The following CFAP20DC variants were observed in gnomAD, a reference collection of about 807,000 sequenced individuals.
The protein encoded by CFAP20DC is protein CFAP20DC.
Under a neutral mutation model 101.7 loss-of-function variants are expected in CFAP20DC, and 84 were observed. That is an observed-to-expected ratio of 0.83 (90% CI 0.69 to 0.99). CFAP20DC has a LOEUF of 0.99. Ranked by LOEUF, CFAP20DC falls within the 50% of genes least tolerant of loss-of-function variation. CFAP20DC has a pLI of 0.00. For missense variants in CFAP20DC, 1,007 were observed against 970.3 expected (o/e 1.04, Z -0.50); for synonymous variants, 359 against 351.2 (o/e 1.02, Z -0.25).
intron 6 of CFAP20DC, among the ~76,000 whole-genome samples, chr3:58,886,641 G>A (rs1314491016): frequency 4.6e-5 from 7 of 152,166 alleles, no homozygotes; most frequent in South Asian, 2.1e-4. Context: ...GAGCCTGGGC[G>A]GTGGAGGCTG....
rs780947094 is a variant in CFAP20DC at position 58,871,957 on chromosome 3, A to C, written c.716-1648T>G. Among the ~76,000 whole-genome samples the C allele has an allele frequency of 1.2e-4, 19 of 152,196 alleles. No individual in the cohort carries two copies. In the South Asian group the frequency reaches 3.7e-3, roughly 30 times the overall value. ...TGACTAGATGCAGAAGATCTTGTGG[A>C]GGACTTTCAGGGCTCCAGGGAAGCC... On this transcript the variant is annotated intron_variant, in intron 7 of 16. Transcript: ENST00000482387.
At chr3:58,772,229 T>C (rs891098437) in intron 15 of CFAP20DC, among the ~76,000 whole-genome samples, 2 of 152,190 alleles carry the variant, frequency 1.3e-5, no homozygotes, top group Non-Finnish European at 2.9e-5. Context: ...TTATTGAGTG[T>C]CTTTGTGCCC....
chr3:58,880,928 A>G (rs1243627758), intron 7 of CFAP20DC, among the ~76,000 whole-genome samples: 4 of 152,196 alleles, frequency 2.6e-5, no homozygotes, highest in Non-Finnish European at 5.9e-5. Context: ...CAAGGCTAAG[A>G]AAAAGTCTGA....
intron 14 of CFAP20DC, among the ~76,000 whole-genome samples, chr3:58,810,731 G>T (rs1383906350): frequency 6.7e-6 from 1 of 150,370 alleles, no homozygotes; most frequent in Non-Finnish European, 1.5e-5. Context: ...AGAAAATAAA[G>T]GGTATTCAAT....
chr3:58,971,547 A>C lies in CFAP20DC; in HGVS notation c.279-33785T>G, dbSNP rs938352545. ...TTTTTCATTTTTACACGAAAATCTC[A>C]CACATATTTAAATAGAGGACATTTC... On this transcript the variant is annotated intron_variant, in intron 4 of 16. Transcript: ENST00000482387. This position sits in a 1 kb window ranked among gnomAD's most constrained non-coding sequence, Gnocchi z 4.1. 5.3e-5 allele frequency among the ~76,000 whole-genome samples: 8 copies of C among 152,110 alleles called. No homozygotes were observed. The highest frequency in any genetic ancestry group is 1.9e-4 in the African/African-American group (8 of 41,434).
chr3:58,941,146 T>C (rs1043093302), intron 4 of CFAP20DC, among the ~76,000 whole-genome samples: 2 of 151,176 alleles, frequency 1.3e-5, no homozygotes, highest in African/African-American at 4.9e-5. Flanking sequence ...CTGGTCAACA[T>C]GGTGAAACCT....
At chr3:58,824,094 T>C (rs992883275) in intron 14 of CFAP20DC, among the ~76,000 whole-genome samples, 1 of 152,172 alleles carries the variant, frequency 6.6e-6, no homozygotes, top group Admixed American at 6.6e-5. Context: ...TCAGTTTTCG[T>C]ATATCATTTC....
chr3:58,738,062 T>C (rs1242133660), downstream of CFAP20DC, among the ~76,000 whole-genome samples: 3 of 152,178 alleles, frequency 2.0e-5, no homozygotes, highest in Non-Finnish European at 2.9e-5. This position sits in a 1 kb window ranked among gnomAD's most constrained non-coding sequence, Gnocchi z 4.4. Context: ...AAAGAGAAAA[T>C]AGAATTTGCT....
intron 6 of CFAP20DC, among the ~76,000 whole-genome samples, chr3:58,908,231 A>T (rs933041770): frequency 6.6e-6 from 1 of 152,054 alleles, no homozygotes; most frequent in Non-Finnish European, 1.5e-5. Flanking sequence ...TCTAGTGTTT[A>T]TTTCCATAAT....
intron 3 of CFAP20DC, 85 bp from the exon 4 acceptor site, chr3:59,039,714 G>A (rs2094164704): frequency 6.4e-6 from 5 of 785,860 alleles, no homozygotes; most frequent in Non-Finnish European, 9.9e-6. Context: ...CCACGAACAA[G>A]CTGAAGATTT....
At chr3:58,850,604 AG>A (rs375845857) in intron 12 of CFAP20DC, among the ~76,000 whole-genome samples, 1 of 150,868 alleles carries the variant, frequency 6.6e-6, no homozygotes, top group South Asian at 2.1e-4. Context: ...AAAAAAAAAA[AG>A]ACAAAACAAC....
chr3:59,007,655 T>C lies in CFAP20DC; in HGVS notation c.278+31902A>G, dbSNP rs543351608. 5.3e-5 allele frequency among the ~76,000 whole-genome samples: 8 copies of C among 152,302 alleles called. No homozygotes were observed. The highest frequency in any genetic ancestry group is 1.9e-4 in the African/African-American group (8 of 41,580). On this transcript the variant is annotated intron_variant, in intron 4 of 16. Transcript: ENST00000482387. This position sits in a 1 kb window ranked among gnomAD's most constrained non-coding sequence, Gnocchi z 4.4. ...TCCACCAGAGCAGGTGCTGGTATCA[T>C]GGCTGGGAGACCTGACGACAGATCA...
chr3:58,780,296 TAAAC>T (rs1156825173), intron 15 of CFAP20DC, among the ~76,000 whole-genome samples: 1 of 151,854 alleles, frequency 6.6e-6, no homozygotes, highest in African/African-American at 2.4e-5. Flanking sequence ...ACTGGTAGGG[TAAAC>T]AAACAAAGAA....
At chr3:58,872,465 G>C (rs1479043182) in intron 7 of CFAP20DC, among the ~76,000 whole-genome samples, 1 of 152,178 alleles carries the variant, frequency 6.6e-6, no homozygotes, top group Non-Finnish European at 1.5e-5. Context: ...AGTAGTGTGT[G>C]TATGTATGGG....
At chr3:58,974,939 C>T (rs1000870427) in intron 4 of CFAP20DC, among the ~76,000 whole-genome samples, 5 of 152,112 alleles carry the variant, frequency 3.3e-5, no homozygotes, top group Non-Finnish European at 7.4e-5. Flanking sequence ...CGAATAAAAC[C>T]CCATGTCTCC....
intron 5 of CFAP20DC, among the ~76,000 whole-genome samples, chr3:58,933,763 G>T (rs4681907): frequency 6.6e-6 from 1 of 151,352 alleles, no homozygotes; most frequent in Non-Finnish European, 1.5e-5. Flanking sequence ...TCTGGGACAC[G>T]TTCAAAGCAG....
chr3:59,003,466 T>C (rs937152168), intron 4 of CFAP20DC, among the ~76,000 whole-genome samples: 1 of 152,200 alleles, frequency 6.6e-6, no homozygotes. Flanking sequence ...ATTATATTTA[T>C]AGTACTATTC....
intron 13 of CFAP20DC, among the ~76,000 whole-genome samples, chr3:58,843,024 G>A (rs922314586): frequency 2.0e-4 from 31 of 152,214 alleles, no homozygotes; most frequent in Non-Finnish European, 2.4e-4. Context: ...CATCACCATC[G>A]TCAAAGACCA....
intron 15 of CFAP20DC, among the ~76,000 whole-genome samples, chr3:58,778,451 G>T (rs1008487219): frequency 1.3e-5 from 2 of 152,214 alleles, no homozygotes; most frequent in Non-Finnish European, 2.9e-5. Flanking sequence ...CATGCCACCT[G>T]CAGATATGGG....
Sources: gnomAD v4.1 joint callset for allele counts (sites outside exome capture counted in the v4.1 genomes callset) on GRCh38, gnomAD v4.1.1 for gene constraint, Gnocchi (gnomAD v3.1) non-coding constraint, MANE v1.5 for transcripts, NCBI Gene and HGNC (gene_info 2026-07-23, HGNC 2026-07-21) for gene names.